MTHFS: variants seen among roughly 807,000 people sequenced by gnomAD.
The protein encoded by MTHFS is 5-formyltetrahydrofolate cyclo-ligase.
MTHFS carries 7 observed loss-of-function variants against 12.7 expected under a neutral mutation model. That is an observed-to-expected ratio of 0.55 (90% confidence interval 0.31 to 1.03). MTHFS has a LOEUF of 1.03. Among genes scored for constraint, MTHFS ranks in the 50% least tolerant of loss-of-function variants. The pLI is 0.05. For missense variants in MTHFS, 252 were observed against 258.1 expected (o/e 0.98, Z 0.16); for synonymous variants, 100 against 97.1 (o/e 1.03, Z -0.18).
rs981860326 is a variant in MTHFS at position 79,889,007 on chromosome 15, A to G, written c.379+86T>C. Reference sequence around the variant, plus strand: ...AAATTAATCCCTTACAGGAAAAGCAACTCCCACTGACCCACACATAACCCG... The same window carrying G: ...AAATTAATCCCTTACAGGAAAAGCAGCTCCCACTGACCCACACATAACCCG... On this transcript the variant is annotated intron_variant, in intron 2 of 2. Coordinates refer to ENST00000258874, the MANE Select transcript of MTHFS (RefSeq NM_006441.4). 2.6e-6 allele frequency: 4 copies of G among 1,526,688 alleles called. No homozygotes were observed. The African/African-American group carries it at 5.5e-5, about 21-fold the overall frequency. 94.6% of individuals were successfully genotyped at this position (1,526,688 alleles called of 1,614,324 possible). A position where few individuals can be genotyped will look rare whatever the true frequency, so the allele number is the denominator to read the frequency against.
chr15:79,862,447 G>A (rs1348752032), intron 2 of MTHFS, among the ~76,000 whole-genome samples: 1 of 152,136 alleles, frequency 6.6e-6, no homozygotes, highest in Non-Finnish European at 1.5e-5. Flanking sequence ...TTTGCAAGGA[G>A]AAACTGAAAA....
chr15:79,875,275 A>G (rs868394365), intron 2 of MTHFS, among the ~76,000 whole-genome samples: 1 of 130,404 alleles, frequency 7.7e-6, no homozygotes, highest in Non-Finnish European at 1.6e-5. Context: ...CAAAAGCGAC[A>G]AAAAAAAAAA....
chr15:79,887,071 T>C (rs566790753), intron 2 of MTHFS, among the ~76,000 whole-genome samples: 2 of 152,114 alleles, frequency 1.3e-5, no homozygotes, highest in Admixed American at 6.5e-5. Context: ...CCCATCTCTA[T>C]TAAAAATACA....
At chr15:79,863,127 C>A (rs1054207901) in intron 2 of MTHFS, among the ~76,000 whole-genome samples, 4 of 152,230 alleles carry the variant, frequency 2.6e-5, no homozygotes, top group Non-Finnish European at 5.9e-5. Context: ...TGTCCCTCAA[C>A]AGCCTCAAGT....
At chr15:79,858,406 A>T (rs2033849874) in intron 2 of MTHFS, among the ~76,000 whole-genome samples, 1 of 152,106 alleles carries the variant, frequency 6.6e-6, no homozygotes, top group Non-Finnish European at 1.5e-5. Context: ...TCAACCACGA[A>T]AGGATGAGTC....
intron 2 of MTHFS, among the ~76,000 whole-genome samples, chr15:79,874,510 A>G (rs1317827024): frequency 6.6e-6 from 1 of 152,144 alleles, no homozygotes; most frequent in Non-Finnish European, 1.5e-5. Flanking sequence ...GTGCATTGTC[A>G]GGTCTTATCT....
At chr15:79,847,845 A>G (rs2033647194) in intron 2 of MTHFS, among the ~76,000 whole-genome samples, 1 of 152,210 alleles carries the variant, frequency 6.6e-6, no homozygotes, top group African/African-American at 2.4e-5. Flanking sequence ...CAAAAAATAG[A>G]AAACCACAAA....
rs560255677 is a variant in MTHFS, at chr15:79,889,151, T to C, written c.321A>G (p.Thr107=). Residue 107 remains threonine (T), a synonymous_variant, in exon 2 of 3, where the codon ACA becomes ACG. Transcript: ENST00000258874. ...SPEEISLLPK[T]SWNIPQPGEG... ...CACCAGGCTGAGGGATATTCCAGGATGTTTTGGGAAGTAAAGAAATTTCCT... is the reference window on the plus strand; with the variant it reads ...CACCAGGCTGAGGGATATTCCAGGACGTTTTGGGAAGTAAAGAAATTTCCT... The C allele has an allele frequency of 4.3e-6, 7 of 1,614,172 alleles. No individual in the cohort carries two copies. The East Asian group carries it at 6.7e-5, about 15-fold the overall frequency.
intron 2 of MTHFS, among the ~76,000 whole-genome samples, chr15:79,854,488 C>A (rs909996656): frequency 2.3e-4 from 35 of 152,272 alleles, no homozygotes; most frequent in African/African-American, 7.9e-4. Flanking sequence ...GTCTTCCTTG[C>A]CACTAAGCAA....
chr15:79,894,408 T>C (rs540101513), intron 1 of MTHFS, among the ~76,000 whole-genome samples: 2 of 152,128 alleles, frequency 1.3e-5, no homozygotes, highest in Non-Finnish European at 1.5e-5. Context: ...TTAAATTTCA[T>C]TGTATGTGCT....
chr15:79,894,164 C>T (rs766278768), intron 1 of MTHFS, among the ~76,000 whole-genome samples: 2 of 152,124 alleles, frequency 1.3e-5, no homozygotes, highest in Non-Finnish European at 2.9e-5. Context: ...GCGGGAAGAT[C>T]ACGAGGTCGA....
At chr15:79,883,960 T>C (rs933675548) in intron 2 of MTHFS, among the ~76,000 whole-genome samples, 5 of 152,170 alleles carry the variant, frequency 3.3e-5, no homozygotes, top group African/African-American at 1.2e-4. Flanking sequence ...GCACATAACA[T>C]TACCCTATGC....
chr15:79,885,950 C>G (rs1289290501), intron 2 of MTHFS, among the ~76,000 whole-genome samples: 1 of 152,236 alleles, frequency 6.6e-6, no homozygotes, highest in Non-Finnish European at 1.5e-5. Context: ...CCGGTTGAAT[C>G]AGACTATATA....
chr15:79,869,488 G>C (rs1345229960), intron 2 of MTHFS, among the ~76,000 whole-genome samples: 1 of 152,118 alleles, frequency 6.6e-6, no homozygotes, highest in East Asian at 1.9e-4. Context: ...TGTTGCCCAG[G>C]TGGGAGTGCA....
chr15:79,884,846 G>A (rs1393509099), intron 2 of MTHFS, among the ~76,000 whole-genome samples: 2 of 152,194 alleles, frequency 1.3e-5, no homozygotes, highest in African/African-American at 4.8e-5. Context: ...CCTGTGACAT[G>A]CCAGCACAAA....
chr15:79,859,647 G>A (rs115426103), intron 2 of MTHFS, among the ~76,000 whole-genome samples: 1,744 of 152,090 alleles, frequency 0.011, 18 homozygotes, highest in African/African-American at 0.026. Context: ...GTGAAGGCCC[G>A]TCTCTTCTAA....
At chr15:79,878,930 A>G (rs1355393089) in intron 2 of MTHFS, among the ~76,000 whole-genome samples, 1 of 151,272 alleles carries the variant, frequency 6.6e-6, no homozygotes, top group Non-Finnish European at 1.5e-5. Context: ...TGGGGAAGGA[A>G]GAATGGAATT....
At position 79,870,215 on chromosome 15, in the gene MTHFS, G is replaced by T. The variant is rs114541605; in HGVS notation, c.379+18878C>A. Among the ~76,000 whole-genome samples, 663 of 152,284 alleles carry T rather than the reference G, an allele frequency of 4.4e-3. 1 individual carries two copies. Among genetic ancestry groups the T allele is most frequent in the African/African-American group, 0.014 (593 of 41,538 alleles). ...ATCACCACAAGACAACAGACTAGTT[G>T]TCTAGAACACAGGTCACAAACTATA... is the stretch of plus-strand genomic sequence containing the variant. On this transcript the variant is annotated intron_variant, in intron 2 of 2. Transcript: ENST00000258874.
intron 2 of MTHFS, among the ~76,000 whole-genome samples, chr15:79,867,464 T>G (rs2034032413): frequency 7.6e-6 from 1 of 131,652 alleles, no homozygotes; most frequent in Non-Finnish European, 1.6e-5. Context: ...TATCTCATTT[T>G]CACTCATTAC....
Sources: allele counts gnomAD v4.1 joint callset (sites outside exome capture counted in the v4.1 genomes callset), GRCh38; gene constraint gnomAD v4.1.1; transcripts MANE v1.5; gene names NCBI Gene and HGNC (gene_info 2026-07-23, HGNC 2026-07-21).